Variants in SPAG16 observed in about 807,000 individuals in gnomAD.
SPAG16 encodes the protein sperm-associated antigen 16 protein.
SPAG16 carries 86 observed loss-of-function variants against 80.4 expected under a neutral mutation model. The ratio of observed to expected loss-of-function variants is 1.07; its 90% CI spans 0.90 to 1.28. The LOEUF is 1.28. SPAG16 is among the 50% of genes most tolerant of loss of function. The pLI is 0.00. For missense variants in SPAG16, 870 were observed against 765.3 expected, an observed-to-expected ratio of 1.14 and a Z score of -1.61; for synonymous variants, 294 against 265.9, an observed-to-expected ratio of 1.11 and a Z score of -1.03.
chr2:214,356,034 AG>A (rs1341975167), intron 15 of SPAG16, among the ~76,000 whole-genome samples: 35 of 76,440 alleles, frequency 4.6e-4, no homozygotes, highest in Admixed American at 1.3e-3. Context: ...GGGTGGGGGG[AG>A]GGGGGAGGGA....
chr2:214,387,426 A>G (rs535219383), intron 15 of SPAG16, among the ~76,000 whole-genome samples: 29 of 152,332 alleles, frequency 1.9e-4, no homozygotes, highest in Admixed American at 1.8e-3. Flanking sequence ...AACTGACCAA[A>G]TAAGATAATT....
chr2:213,702,989 T>A (rs2065555409), intron 10 of SPAG16, among the ~76,000 whole-genome samples: 1 of 152,194 alleles, frequency 6.6e-6, no homozygotes, highest in Admixed American at 6.5e-5. Flanking sequence ...CTGCCCACAA[T>A]GTGAAACTCA....
At chr2:213,592,212 A>G (rs1251974235) in intron 10 of SPAG16, among the ~76,000 whole-genome samples, 1 of 152,246 alleles carries the variant, frequency 6.6e-6, no homozygotes, top group Admixed American at 6.5e-5. Flanking sequence ...TCTGAATATT[A>G]AAGTGCAATT....
At chr2:214,102,884 A>T (rs561495706) in intron 13 of SPAG16, among the ~76,000 whole-genome samples, 1 of 152,296 alleles carries the variant, frequency 6.6e-6, no homozygotes, top group African/African-American at 2.4e-5. Flanking sequence ...AAGCGGGCTC[A>T]TGAAGGATCA....
intron 9 of SPAG16, among the ~76,000 whole-genome samples, chr2:213,453,609 A>G (rs1475370819): frequency 6.6e-6 from 1 of 152,176 alleles, no homozygotes; most frequent in East Asian, 1.9e-4. Flanking sequence ...AGTAAGGGAG[A>G]CCCAGTGGAC....
In SPAG16 at chr2:213,667,911, G is replaced by T. The variant is rs1012415131; in HGVS notation, c.1070+177821G>T. Among the ~76,000 whole-genome samples the T allele has an allele frequency of 1.3e-5, 2 of 150,772 alleles. 1 individual carries two copies. Among genetic ancestry groups the T allele is most frequent in the African/African-American group, 4.9e-5 (2 of 40,434 alleles). On this transcript the variant is annotated intron_variant, in intron 10 of 15. Coordinates refer to ENST00000331683, the MANE Select transcript of SPAG16 (RefSeq NM_024532.5). ...GTTAATTTTATATAATTATAAACGA[G>T]TGTATTTGAATAAAAATTCTACTAT...
At chr2:213,424,132 AG>A (rs1404966654) in intron 9 of SPAG16, among the ~76,000 whole-genome samples, 1 of 152,194 alleles carries the variant, frequency 6.6e-6, no homozygotes, top group African/African-American at 2.4e-5. Context: ...AAGTGTAGTC[AG>A]GATGTTATAG....
At chr2:213,987,902 G>A (rs1462845268) in intron 12 of SPAG16, among the ~76,000 whole-genome samples, 1 of 148,530 alleles carries the variant, frequency 6.7e-6, no homozygotes, top group Admixed American at 6.7e-5. Flanking sequence ...TTGTATAAAT[G>A]TTATATATTT....
chr2:213,928,320 C>G (rs2106237602), intron 11 of SPAG16, among the ~76,000 whole-genome samples: 1 of 151,888 alleles, frequency 6.6e-6, no homozygotes, highest in South Asian at 2.1e-4. Context: ...TCTCTATCTC[C>G]TGACCTCATG....
intron 6 of SPAG16, among the ~76,000 whole-genome samples, chr2:213,342,299 C>CATATGTGTATATATATGTTACAT (rs2064730086): frequency 1.4e-5 from 2 of 144,624 alleles, no homozygotes; most frequent in Admixed American, 7.0e-5. Context: ...ATATATATGA[C>CATATGTGTATATATATGTTACAT]ATATGTGTAT....
intron 10 of SPAG16, among the ~76,000 whole-genome samples, chr2:213,756,800 G>C (rs2068363003): frequency 6.6e-6 from 1 of 151,926 alleles, no homozygotes; most frequent in Non-Finnish European, 1.5e-5. Flanking sequence ...GTAAAGCTTT[G>C]ACACTGAAAT....
intron 10 of SPAG16, among the ~76,000 whole-genome samples, chr2:213,754,012 T>C (rs2068205484): frequency 6.6e-6 from 1 of 152,200 alleles, no homozygotes; most frequent in Non-Finnish European, 1.5e-5. Flanking sequence ...CACAGAGATA[T>C]CTTGAGAGTT....
At chr2:213,748,736 C>G (rs1052837678) in intron 10 of SPAG16, among the ~76,000 whole-genome samples, 1 of 152,082 alleles carries the variant, frequency 6.6e-6, no homozygotes, top group African/African-American at 2.4e-5. Context: ...CAATTTAATT[C>G]TTTTTTAGAT....
chr2:214,143,018 A>T (rs1356559696), intron 14 of SPAG16, among the ~76,000 whole-genome samples: 1 of 152,068 alleles, frequency 6.6e-6, no homozygotes, highest in African/African-American at 2.4e-5. Context: ...TCCTGTCCTC[A>T]AACTCTTCAA....
intron 10 of SPAG16, among the ~76,000 whole-genome samples, chr2:213,634,003 A>G (rs1424666838): frequency 6.6e-6 from 1 of 152,024 alleles, no homozygotes; most frequent in Non-Finnish European, 1.5e-5. Flanking sequence ...TTCATTGGTG[A>G]GTTTAGTGCA....
At chr2:213,850,183 T>C (rs982066692) in intron 10 of SPAG16, among the ~76,000 whole-genome samples, 11 of 152,220 alleles carry the variant, frequency 7.2e-5, no homozygotes, top group Admixed American at 2.0e-4. Flanking sequence ...TTTGAAATGG[T>C]ATTTCTTTCA....
At chr2:213,717,439 T>C (rs1311433594) in intron 10 of SPAG16, among the ~76,000 whole-genome samples, 1 of 152,074 alleles carries the variant, frequency 6.6e-6, no homozygotes, top group Non-Finnish European at 1.5e-5. Context: ...GGATTACAGG[T>C]GTGAGCCACT....
At chr2:213,632,566 T>G (rs1188097424) in intron 10 of SPAG16, among the ~76,000 whole-genome samples, 1 of 152,166 alleles carries the variant, frequency 6.6e-6, no homozygotes, top group Non-Finnish European at 1.5e-5. Flanking sequence ...GAGGAAAAGC[T>G]TTCAGTTTTC....
intron 9 of SPAG16, among the ~76,000 whole-genome samples, chr2:213,407,780 CAGAG>C (rs549540704): frequency 5.4e-5 from 5 of 93,018 alleles, no homozygotes; most frequent in Non-Finnish European, 6.7e-5. Context: ...CAGAGAGAGA[CAGAG>C]AGGAAGAGAG....
Sources: gnomAD v4.1 joint callset for allele counts (sites outside exome capture counted in the v4.1 genomes callset) on GRCh38, gnomAD v4.1.1 for gene constraint, MANE v1.5 for transcripts, NCBI Gene and HGNC (gene_info 2026-07-23, HGNC 2026-07-21) for gene names.